WDR72: variants seen among roughly 807,000 people sequenced by gnomAD.
WDR72 encodes the protein WD repeat-containing protein 72.
In WDR72, 120 loss-of-function variants were observed where a neutral mutation model predicts 124.2. The observed-to-expected ratio is 0.97, with a 90% CI of 0.83 to 1.12. The LOEUF (loss-of-function observed/expected upper bound fraction) is 1.12. Ranked by LOEUF, WDR72 falls within the 50% of genes most tolerant of loss-of-function variation. WDR72 has a pLI of 0.00. For missense variants in WDR72, 1,387 were observed against 1,278.8 expected (o/e 1.08, Z -1.29); for synonymous variants, 452 against 441.7 (o/e 1.02, Z -0.29).
At chr15:53,576,507 T>A (rs2011624746) in intron 18 of WDR72, among the ~76,000 whole-genome samples, 1 of 152,178 alleles carries the variant, frequency 6.6e-6, no homozygotes, top group African/African-American at 2.4e-5. Context: ...TGTGTCTTAT[T>A]CCTTTTTGTA....
intron 2 of WDR72, among the ~76,000 whole-genome samples, chr15:53,723,441 G>A (rs151280267): frequency 3.3e-5 from 5 of 152,086 alleles, no homozygotes; most frequent in Non-Finnish European, 4.4e-5. Context: ...CCCACTTCTA[G>A]GTATATACCC....
chr15:53,655,708 T>G (rs1054341920), intron 14 of WDR72, among the ~76,000 whole-genome samples: 5 of 86,538 alleles, frequency 5.8e-5, no homozygotes, highest in Non-Finnish European at 1.2e-4. Flanking sequence ...ATTTTGTAAG[T>G]TTTTTTTTTT....
intron 17 of WDR72, among the ~76,000 whole-genome samples, chr15:53,607,643 A>C (rs1179147811): frequency 2.0e-5 from 3 of 152,150 alleles, no homozygotes; most frequent in African/African-American, 7.2e-5. Context: ...CAACCAATGC[A>C]AAAATGGACA....
intron 13 of WDR72, among the ~76,000 whole-genome samples, chr15:53,678,907 G>C (rs973934208): frequency 1.3e-5 from 2 of 152,190 alleles, no homozygotes; most frequent in African/African-American, 4.8e-5. Flanking sequence ...AGCAACCCAA[G>C]TGTCCATCAA....
intron 3 of WDR72, 69 bp downstream of exon 3, chr15:53,722,733 G>A: frequency 7.4e-7 from 1 of 1,357,366 alleles, no homozygotes; most frequent in East Asian, 2.3e-5. Flanking sequence ...CCCTAAAATT[G>A]TATTCCATTG....
intron 7 of WDR72, among the ~76,000 whole-genome samples, chr15:53,712,089 A>G (rs568900910): frequency 6.6e-6 from 1 of 152,328 alleles, no homozygotes; most frequent in African/African-American, 2.4e-5. Context: ...AATATAATCA[A>G]ACTATGTAGG....
chr15:53,701,421 G>T (rs1265832764), intron 12 of WDR72, among the ~76,000 whole-genome samples: 5 of 151,988 alleles, frequency 3.3e-5, no homozygotes, highest in Admixed American at 2.0e-4. Flanking sequence ...CATGCCTGTA[G>T]TCCCAGCTAC....
chr15:53,564,456 T>C (rs189891864), intron 18 of WDR72, among the ~76,000 whole-genome samples: 37 of 151,958 alleles, frequency 2.4e-4, no homozygotes, highest in Non-Finnish European at 3.4e-4. Context: ...ACATGCCATG[T>C]ATTATTATTA....
chr15:53,592,520 G>A (rs1441995771), intron 18 of WDR72, among the ~76,000 whole-genome samples: 1 of 151,942 alleles, frequency 6.6e-6, no homozygotes, highest in Non-Finnish European at 1.5e-5. Context: ...ATAAATGCAT[G>A]GTTTTATTTA....
chr15:53,654,811 C>G (rs1002028777), intron 14 of WDR72, among the ~76,000 whole-genome samples: 1 of 152,186 alleles, frequency 6.6e-6, no homozygotes, highest in African/African-American at 2.4e-5. Context: ...TGTTAGTTTT[C>G]TGCTTCTATC....
At chr15:53,705,521 G>A (rs1471256482) in intron 10 of WDR72, among the ~76,000 whole-genome samples, 1 of 152,044 alleles carries the variant, frequency 6.6e-6, no homozygotes, top group African/African-American at 2.4e-5. Context: ...GGAGTGCAGT[G>A]GCATGATCTC....
In WDR72 at chr15:53,573,547, T is replaced by C. The variant is rs74355333; in HGVS notation, c.3148+23532A>G. ...CCATTTTAACACCAACTGCTTCTTT[T>C]CTTTTTTTTTTTTTCGGAGACGGAG... is the stretch of plus-strand genomic sequence containing the variant. On this transcript the variant is annotated intron_variant, in intron 18 of 19. Transcript: ENST00000360509. 2.7e-4 allele frequency among the ~76,000 whole-genome samples: 40 copies of C among 149,864 alleles called. No individual in the cohort carries two copies. In the East Asian group the frequency reaches 6.4e-3, roughly 24 times the overall value.
intron 13 of WDR72, among the ~76,000 whole-genome samples, chr15:53,672,031 T>C (rs1361252498): frequency 6.6e-6 from 1 of 150,506 alleles, no homozygotes; most frequent in East Asian, 1.9e-4. Flanking sequence ...CTTTCTAGTT[T>C]TGTTTCTAGA....
chr15:53,741,390 C>A (rs1013722346), intron 1 of WDR72, among the ~76,000 whole-genome samples: 8 of 152,136 alleles, frequency 5.3e-5, no homozygotes, highest in Admixed American at 3.3e-4. Context: ...CTCGAACAAT[C>A]CAGATTTGCT....
intron 9 of WDR72, among the ~76,000 whole-genome samples, chr15:53,707,250 G>A (rs960570614): frequency 2.0e-5 from 3 of 152,108 alleles, no homozygotes; most frequent in Non-Finnish European, 2.9e-5. Context: ...TAAAGGCCAC[G>A]ATATTGCTAC....
At chr15:53,739,447 A>T (rs1409037219) in intron 1 of WDR72, among the ~76,000 whole-genome samples, 1 of 152,200 alleles carries the variant, frequency 6.6e-6, no homozygotes, top group African/African-American at 2.4e-5. Context: ...GATGTCCAAT[A>T]TACTCTACTA....
chr15:53,710,323 TGTGTG>T (rs1306581994), intron 9 of WDR72, among the ~76,000 whole-genome samples: 1 of 152,000 alleles, frequency 6.6e-6, no homozygotes, highest in Non-Finnish European at 1.5e-5. Context: ...AGTGAAAAAA[TGTGTG>T]GTGTGTGTGT....
At position 53,597,082 on chromosome 15, in the gene WDR72, G is replaced by C. The variant is rs748547376; in HGVS notation, c.3145C>G (p.Gln1049Glu). The stretch of plus-strand genomic sequence containing the variant: ...TACCAATAAATTTTGTACTTACTTT[G>C]CAGAGGCAAAGTGTTTCTAACACAC... ...LQCVRNTLPL[Q>E]TPVSPVKHDS... The change falls in exon 18 of 20, where the codon CAA (glutamine) becomes GAA (glutamate). Residue 1049 changes from glutamine to glutamate, a missense_variant. By Grantham distance (29) the Gln-to-Glu change is conservative (BLOSUM62 2). Coordinates refer to ENST00000360509, the MANE Select transcript of WDR72 (RefSeq NM_182758.4). The C allele has an allele frequency of 6.2e-7, 1 of 1,613,532 alleles. No homozygotes were observed. The highest frequency in any genetic ancestry group is 1.7e-5 in the Admixed American group (1 of 59,972).
At chr15:53,541,633 G>C (rs1474782020) in intron 18 of WDR72, among the ~76,000 whole-genome samples, 12 of 151,876 alleles carry the variant, frequency 7.9e-5, no homozygotes, top group Non-Finnish European at 1.5e-4. Flanking sequence ...ACGGAACAAA[G>C]CTGGATGGAG....
Sources: gnomAD v4.1 joint callset for allele counts (sites outside exome capture counted in the v4.1 genomes callset) on GRCh38, gnomAD v4.1.1 for gene constraint, MANE v1.5 for transcripts, NCBI Gene and HGNC (gene_info 2026-07-23, HGNC 2026-07-21) for gene names.